The following RPGRIP1 variants were observed in gnomAD, a reference collection of about 807,000 sequenced individuals.
The protein encoded by RPGRIP1 is RPGR interacting protein 1, also known as X-linked retinitis pigmentosa GTPase regulator-interacting protein 1.
Under a neutral mutation model 157.9 loss-of-function variants are expected in RPGRIP1, and 128 were observed. That is an observed-to-expected ratio of 0.81 (90% CI 0.70 to 0.94). The LOEUF (loss-of-function observed/expected upper bound fraction) is 0.94, where lower values mean the gene tolerates loss of function less well. Among genes scored for constraint, RPGRIP1 ranks in the 40% least tolerant of loss-of-function variants. The probability of loss-of-function intolerance (pLI) is 0.00; values close to 1 mark genes in which losing one functional copy is unlikely to be tolerated. For synonymous variants in RPGRIP1, 554 were observed against 571.6 expected, an observed-to-expected ratio of 0.97 and a Z score of 0.44; for missense variants, 1,486 against 1,545.8, an observed-to-expected ratio of 0.96 and a Z score of 0.65.
intron 21 of RPGRIP1, among the ~76,000 whole-genome samples, chr14:21,342,407 G>A (rs1156586434): frequency 6.6e-6 from 1 of 151,962 alleles, no homozygotes; most frequent in Non-Finnish European, 1.5e-5. Context: ...TTGTCCCTAT[G>A]TGGTGGTGTA....
intron 16 of RPGRIP1, 118 bp downstream of exon 16, chr14:21,325,501 G>C: frequency 1.0e-6 from 1 of 1,000,604 alleles, no homozygotes; most frequent in South Asian, 1.7e-5. Flanking sequence ...AGAGAAAACT[G>C]TCACACCACA....
chr14:21,314,735 C>G (rs986438973), intron 10 of RPGRIP1, among the ~76,000 whole-genome samples: 1 of 150,206 alleles, frequency 6.7e-6, no homozygotes, highest in East Asian at 2.0e-4. Flanking sequence ...AAAAAATAGC[C>G]GGGCAGCTGG....
intron 23 of RPGRIP1, among the ~76,000 whole-genome samples, chr14:21,346,597 A>T (rs538827129): frequency 6.6e-6 from 1 of 152,358 alleles, no homozygotes; most frequent in Non-Finnish European, 1.5e-5. Context: ...ATTCAAATTT[A>T]AATAGGCATA....
At chr14:21,293,167 C>CA (rs1490295524) in intron 2 of RPGRIP1, among the ~76,000 whole-genome samples, 3 of 151,712 alleles carry the variant, frequency 2.0e-5, no homozygotes, top group Non-Finnish European at 4.4e-5. Flanking sequence ...TAAATAAACG[C>CA]AAAAAAATAA....
chr14:21,347,721 A>G (rs1020682354), intron 23 of RPGRIP1, among the ~76,000 whole-genome samples: 7 of 152,120 alleles, frequency 4.6e-5, no homozygotes, highest in Non-Finnish European at 8.8e-5. Flanking sequence ...TAATCAGTAC[A>G]GGGTTTCTTT....
intron 7 of RPGRIP1, among the ~76,000 whole-genome samples, chr14:21,308,742 A>C (rs1309199933): frequency 6.6e-6 from 1 of 152,218 alleles, no homozygotes; most frequent in Non-Finnish European, 1.5e-5. Context: ...AGGACTCCAA[A>C]GCAGAGAGGG....
chr14:21,290,594 G>A (rs1363277219), intron 2 of RPGRIP1, among the ~76,000 whole-genome samples: 1 of 151,892 alleles, frequency 6.6e-6, no homozygotes, highest in South Asian at 2.1e-4. Context: ...GGTGGATCAC[G>A]AGGTCAGGAG....
intron 1 of RPGRIP1, among the ~76,000 whole-genome samples, chr14:21,285,253 C>A (rs1031130398): frequency 6.6e-6 from 1 of 151,818 alleles, no homozygotes; most frequent in Non-Finnish European, 1.5e-5. Flanking sequence ...AGAAAGGCCT[C>A]CTGGCAAATG....
rs373373799 is a variant in RPGRIP1 at position 21,351,098 on chromosome 14, C to A, written c.3749-6C>A. ...AGTGATGCTGTTTTTTTCCCTTTCC[C>A]AACAGTTGTTAGCCCTGAAGATCTG... On this transcript the variant is annotated splice_region_variant and splice_polypyrimidine_tract_variant and intron_variant, in intron 24 of 24. Coordinates refer to ENST00000400017, the MANE Select transcript of RPGRIP1 (RefSeq NM_020366.4). 1,072 of 1,575,610 alleles carry A rather than the reference C, an allele frequency of 6.8e-4. 14 individuals are homozygous for A. In the South Asian group the frequency reaches 0.011, roughly 16 times the overall value.
chr14:21,323,922 A>G (rs1882773245), intron 14 of RPGRIP1: 1 of 154,728 alleles, frequency 6.5e-6, no homozygotes. Context: ...GAAGCAGGCT[A>G]TATATCAAAG....
chr14:21,315,238 T>A (rs1040948634), intron 10 of RPGRIP1, among the ~76,000 whole-genome samples: 5 of 151,614 alleles, frequency 3.3e-5, no homozygotes, highest in African/African-American at 9.7e-5. Context: ...CTGTGCGCGG[T>A]GGCTCATGCC....
chr14:21,348,434 C>A, intron 24 of RPGRIP1, 132 bp downstream of exon 24: 1 of 693,530 alleles, frequency 1.4e-6, no homozygotes. Context: ...CTTATCCCTA[C>A]AACTGTATTT....
At chr14:21,300,735 T>A (rs1011260857) in intron 3 of RPGRIP1, among the ~76,000 whole-genome samples, 4 of 128,976 alleles carry the variant, frequency 3.1e-5, no homozygotes, top group Admixed American at 8.8e-5. Context: ...TTTTTTTTAC[T>A]AAGATAAGGG....
At chr14:21,304,353 GGGAA>G (rs553262619) in intron 6 of RPGRIP1, among the ~76,000 whole-genome samples, 74 of 138,338 alleles carry the variant, frequency 5.3e-4, no homozygotes, top group Middle Eastern at 3.6e-3. Context: ...GAGGGAGGGA[GGGAA>G]GGAAGGAAGG....
intron 10 of RPGRIP1, chr14:21,317,486 T>G: frequency 7.8e-7 from 1 of 1,279,070 alleles, no homozygotes; most frequent in Non-Finnish European, 1.1e-6. Context: ...ATCTGAGACC[T>G]AAACAGAAAT....
At chr14:21,342,607 G>A (rs113885573) in intron 21 of RPGRIP1, among the ~76,000 whole-genome samples, 2,085 of 151,710 alleles carry the variant, frequency 0.014, 37 homozygotes, top group African/African-American at 0.047. Flanking sequence ...TATAATCATC[G>A]GGTACAAGCA....
chr14:21,302,694 G>C, intron 5 of RPGRIP1, 110 bp downstream of exon 5: 1 of 670,850 alleles, frequency 1.5e-6, no homozygotes. Flanking sequence ...AGCATGATCA[G>C]GGAAGATGAA....
At chr14:21,299,924 GGGA>G (rs1225997090) in intron 3 of RPGRIP1, among the ~76,000 whole-genome samples, 2 of 152,178 alleles carry the variant, frequency 1.3e-5, no homozygotes, top group Admixed American at 6.6e-5. Context: ...CTTGGGAGGT[GGGA>G]GAGGGAGATC....
At chr14:21,343,666 G>A (rs556002687) in intron 22 of RPGRIP1, among the ~76,000 whole-genome samples, 1 of 151,466 alleles carries the variant, frequency 6.6e-6, no homozygotes, top group Admixed American at 6.6e-5. Flanking sequence ...AGTTTTTTGT[G>A]TTTTTAGTAG....
Sources: allele counts gnomAD v4.1 joint callset (sites outside exome capture counted in the v4.1 genomes callset), GRCh38; gene constraint gnomAD v4.1.1; transcripts MANE v1.5; gene names NCBI Gene and HGNC (gene_info 2026-07-23, HGNC 2026-07-21).